The following RERE variants were observed in gnomAD, a reference collection of about 807,000 sequenced individuals.
RERE encodes arginine-glutamic acid dipeptide repeats.
RERE carries 40 observed loss-of-function variants against 146.1 expected under a neutral mutation model. The ratio of observed to expected loss-of-function variants is 0.27; its 90% confidence interval spans 0.21 to 0.36. The LOEUF is 0.36. RERE is among the 10% of genes least tolerant of loss of function. The probability of loss-of-function intolerance (pLI) is 1.00; values close to 1 mark genes in which losing one functional copy is unlikely to be tolerated. For synonymous variants in RERE, 1,003 were observed against 866.0 expected, an observed-to-expected ratio of 1.16 and a Z score of -2.78; for missense variants, 1,933 against 2,138.7, an observed-to-expected ratio of 0.90 and a Z score of 1.90.
At chr1:8,739,046 C>T (rs1222406918) in intron 1 of RERE, among the ~76,000 whole-genome samples, 1 of 151,986 alleles carries the variant, frequency 6.6e-6, no homozygotes, top group Non-Finnish European at 1.5e-5. Flanking sequence ...TAGCCTAAGT[C>T]CAATCAGGAG....
At chr1:8,531,967 G>T (rs1645659728) in intron 7 of RERE, among the ~76,000 whole-genome samples, 1 of 152,172 alleles carries the variant, frequency 6.6e-6, no homozygotes, top group African/African-American at 2.4e-5. Context: ...AATGCTTGAG[G>T]GGGTGGACAA....
At chr1:8,558,566 G>C (rs1646034305) in intron 4 of RERE, among the ~76,000 whole-genome samples, 1 of 152,036 alleles carries the variant, frequency 6.6e-6, no homozygotes, top group African/African-American at 2.4e-5. Flanking sequence ...TTTATAAAGG[G>C]GATGCCTAAA....
intron 12 of RERE, among the ~76,000 whole-genome samples, chr1:8,388,320 T>C (rs538538234): frequency 6.6e-6 from 1 of 151,364 alleles, no homozygotes; most frequent in East Asian, 2.0e-4. Context: ...GTGCAATCTT[T>C]TTTTTTTTTT....
chr1:8,693,639 A>G (rs1639257275), intron 1 of RERE, among the ~76,000 whole-genome samples: 2 of 152,300 alleles, frequency 1.3e-5, no homozygotes, highest in South Asian at 4.1e-4. Flanking sequence ...TAGAGCAGTA[A>G]AGACTCTTCT....
At chr1:8,613,028 A>G (rs1646810805) in intron 4 of RERE, among the ~76,000 whole-genome samples, 1 of 152,132 alleles carries the variant, frequency 6.6e-6, no homozygotes, top group Admixed American at 6.5e-5. Context: ...TGTTGCAACA[A>G]TTACTCCTGA....
chr1:8,432,479 C>T (rs925266796), intron 11 of RERE, among the ~76,000 whole-genome samples: 5 of 151,998 alleles, frequency 3.3e-5, no homozygotes, highest in African/African-American at 4.8e-5. Flanking sequence ...AGGCACTGTG[C>T]GAAGCATGTT....
At chr1:8,482,844 A>T (rs1466875357) in intron 10 of RERE, among the ~76,000 whole-genome samples, 1 of 152,098 alleles carries the variant, frequency 6.6e-6, no homozygotes, top group African/African-American at 2.4e-5. Flanking sequence ...AATAGCTCAA[A>T]ATGTTTCTAA....
rs546856610 is a variant in RERE, at chr1:8,448,839, TCAAA to T, written c.1203+17082_1203+17085del. On this transcript the variant is annotated intron_variant, in intron 11 of 22. Transcript: ENST00000400908. ...GCAAGACTCCATCTCAAACAATCAA[TCAAA>T]CAAACAAACAAATAAACAAACAAAA... Among the ~76,000 whole-genome samples the T allele has an allele frequency of 1.7e-4, 25 of 144,438 alleles. No homozygotes were observed. In the East Asian group the frequency reaches 4.0e-3, roughly 23 times the overall value. 94.8% of individuals were successfully genotyped at this position (144,438 alleles called of 152,430 possible). A position where few individuals can be genotyped will look rare whatever the true frequency, so the allele number is the denominator to read the frequency against.
At chr1:8,607,534 C>CTTTTTTTTGTTTTTTTTTTTTTTTT (rs1646733634) in intron 4 of RERE, among the ~76,000 whole-genome samples, 1 of 48,584 alleles carries the variant, frequency 2.1e-5, no homozygotes, top group Admixed American at 3.6e-4. Context: ...ATATATATTT[C>CTTTTTTTTGTTTTTTTTTTTTTTTT]TTTTTTTTTT....
chr1:8,608,215 T>C (rs922340571), intron 4 of RERE, among the ~76,000 whole-genome samples: 2 of 152,098 alleles, frequency 1.3e-5, no homozygotes, highest in African/African-American at 2.4e-5. Context: ...AATCAACTAG[T>C]ACGGAACAAG....
At chr1:8,417,365 A>G (rs761492690) in intron 12 of RERE, among the ~76,000 whole-genome samples, 2 of 152,246 alleles carry the variant, frequency 1.3e-5, no homozygotes, top group Non-Finnish European at 2.9e-5. Context: ...CGTATTTAAT[A>G]GAATTCATTC....
intron 6 of RERE, among the ~76,000 whole-genome samples, chr1:8,552,918 G>T (rs1025915139): frequency 6.6e-6 from 1 of 150,690 alleles, no homozygotes; most frequent in African/African-American, 2.4e-5. Context: ...AGGCCAGTGC[G>T]TTCACACACA....
At chr1:8,481,757 G>A (rs1644837065) in intron 10 of RERE, among the ~76,000 whole-genome samples, 2 of 152,160 alleles carry the variant, frequency 1.3e-5, no homozygotes, top group African/African-American at 4.8e-5. Context: ...CTCAGGGTGG[G>A]AAAGAAATGG....
At chr1:8,768,755 G>A (rs950320616) in intron 1 of RERE, among the ~76,000 whole-genome samples, 2 of 152,122 alleles carry the variant, frequency 1.3e-5, no homozygotes, top group Non-Finnish European at 2.9e-5. Context: ...CAACACCGAC[G>A]CTTGTCCCTG....
chr1:8,475,384 A>T (rs1644742972), intron 10 of RERE, among the ~76,000 whole-genome samples: 1 of 148,576 alleles, frequency 6.7e-6, no homozygotes, highest in Non-Finnish European at 1.5e-5. Flanking sequence ...AAAAAAAAAA[A>T]AAAAAATTCT....
At chr1:8,412,933 G>C (rs1317484685) in intron 12 of RERE, among the ~76,000 whole-genome samples, 3 of 152,200 alleles carry the variant, frequency 2.0e-5, no homozygotes, top group South Asian at 2.1e-4. Context: ...CCGAAGCTTT[G>C]TAAGCTTCCT....
At chr1:8,428,055 A>G (rs923263206) in intron 11 of RERE, among the ~76,000 whole-genome samples, 1 of 152,200 alleles carries the variant, frequency 6.6e-6, no homozygotes, top group Admixed American at 6.5e-5. Flanking sequence ...CGGCATTTCC[A>G]GTGCTGAAAT....
intron 1 of RERE, among the ~76,000 whole-genome samples, chr1:8,764,785 T>C (rs1475684270): frequency 6.6e-6 from 1 of 152,018 alleles, no homozygotes; most frequent in Non-Finnish European, 1.5e-5. Flanking sequence ...GAAATGCAAA[T>C]CAAAACTGTA....
chr1:8,755,677 A>C (rs1330484620), intron 1 of RERE, among the ~76,000 whole-genome samples: 2 of 152,214 alleles, frequency 1.3e-5, no homozygotes, highest in Non-Finnish European at 2.9e-5. Context: ...CTGACAAGCT[A>C]CAGAAGAGCA....
Sources: gnomAD v4.1 joint callset for allele counts (sites outside exome capture counted in the v4.1 genomes callset) on GRCh38, gnomAD v4.1.1 for gene constraint, MANE v1.5 for transcripts, NCBI Gene and HGNC (gene_info 2026-07-23, HGNC 2026-07-21) for gene names.